Variants in MPHOSPH9 observed in about 807,000 individuals in gnomAD.
The protein encoded by MPHOSPH9 is M-phase phosphoprotein 9.
In MPHOSPH9, 88 loss-of-function variants were observed where a neutral mutation model predicts 145.5. That is an observed-to-expected ratio of 0.60 (90% CI 0.51 to 0.72). MPHOSPH9 has a LOEUF of 0.72. Among genes scored for constraint, MPHOSPH9 ranks in the 30% least tolerant of loss-of-function variants. The pLI is 0.00. For synonymous variants in MPHOSPH9, 435 were observed against 486.2 expected (o/e 0.89, Z 1.39); for missense variants, 1,238 against 1,386.6 (o/e 0.89, Z 1.70).
chr12:123,237,561 C>T (rs955727485), upstream of MPHOSPH9, among the ~76,000 whole-genome samples: 10 of 152,216 alleles, frequency 6.6e-5, no homozygotes, highest in African/African-American at 2.4e-4. Context: ...TTAGACCAGA[C>T]CTAGAGTAGT....
intron 6 of MPHOSPH9, among the ~76,000 whole-genome samples, chr12:123,217,791 C>G (rs952644095): frequency 6.6e-6 from 1 of 152,074 alleles, no homozygotes; most frequent in African/African-American, 2.4e-5. Context: ...TGCCTATAAT[C>G]CCTGCACTTT....
chr12:123,162,668 A>G (rs951086872), intron 20 of MPHOSPH9: 1 of 209,790 alleles, frequency 4.8e-6, no homozygotes, highest in Non-Finnish European at 9.3e-6. Flanking sequence ...ATTTGGTGCC[A>G]GGGCCATACC....
intron 13 of MPHOSPH9, among the ~76,000 whole-genome samples, chr12:123,192,067 T>C (rs2045701572): frequency 6.6e-6 from 1 of 151,974 alleles, no homozygotes; most frequent in African/African-American, 2.4e-5. Context: ...GCAGAAGGAA[T>C]ACAGAATTAG....
rs2046290252 is a variant in MPHOSPH9, at chr12:123,203,071, T to A, written c.1334A>T (p.Asp445Val). 1.2e-6 allele frequency: 2 copies of A among 1,612,256 alleles called. No individual in the cohort carries two copies. Among genetic ancestry groups the A allele is most frequent in the Non-Finnish European group, 1.7e-6 (2 of 1,179,336 alleles). ...PNHPPEVLTLDPTLHMKPKQQ... is the reference protein window; with the variant it reads ...PNHPPEVLTLVPTLHMKPKQQ... ...CTTTGGCTTCATGTGTAACGTAGGA[T>A]CTAGAGTCAGGACCTGGAAACCAGA... The change falls in exon 10 of 24, where the codon GAT becomes GTT. Residue 445 changes from aspartate (D) to valine (V), a missense_variant. Coordinates refer to ENST00000606320, the MANE Select transcript of MPHOSPH9 (RefSeq NM_022782.4).
rs569907030 is a variant in MPHOSPH9, at chr12:123,162,583, C to A, written c.3030-365G>T. 1.8e-4 allele frequency: 32 copies of A among 182,584 alleles called. No individual in the cohort carries two copies. The East Asian group carries it at 4.2e-3, about 24-fold the overall frequency. 11.3% of individuals were successfully genotyped at this position (182,584 alleles called of 1,614,324 possible). A position where few individuals can be genotyped will look rare whatever the true frequency, so the allele number is the denominator to read the frequency against. ...TGGGTCTGGAACCAAGAAGCAACATCCCTCCCCGCTAATAGCACACACAGC... is the reference window on the plus strand; with the variant it reads ...TGGGTCTGGAACCAAGAAGCAACATACCTCCCCGCTAATAGCACACACAGC... On this transcript the variant is annotated intron_variant, in intron 20 of 23. Transcript: ENST00000606320.
chr12:123,239,609 AG>A (rs1187826658), intron 1 of MPHOSPH9, among the ~76,000 whole-genome samples: 5 of 151,936 alleles, frequency 3.3e-5, no homozygotes, highest in Non-Finnish European at 5.9e-5. Context: ...TCACCGTGTT[AG>A]CCAGGATGGT....
chr12:123,204,496 A>G (rs893254875), intron 8 of MPHOSPH9, among the ~76,000 whole-genome samples: 7 of 152,154 alleles, frequency 4.6e-5, no homozygotes, highest in African/African-American at 1.7e-4. Context: ...CCCAATGAAA[A>G]TAAGTCCCCC....
At chr12:123,200,052 G>A (rs1441098699) in intron 11 of MPHOSPH9, among the ~76,000 whole-genome samples, 1 of 152,038 alleles carries the variant, frequency 6.6e-6, no homozygotes, top group Non-Finnish European at 1.5e-5. Context: ...ACTTTTTTCA[G>A]TACTATGGAT....
At chr12:123,165,171 A>G in intron 18 of MPHOSPH9, 131 bp downstream of exon 18, 1 of 751,208 alleles carries the variant, frequency 1.3e-6, no homozygotes, top group Non-Finnish European at 2.1e-6. Context: ...GGGCTGAAGT[A>G]GCAGTAAAAT....
chr12:123,216,970 CAG>C, intron 6 of MPHOSPH9, among the ~76,000 whole-genome samples: 1 of 150,496 alleles, frequency 6.6e-6, no homozygotes, highest in Non-Finnish European at 1.5e-5. Context: ...GCCTGGGCAA[CAG>C]AGCAAGACTC....
At chr12:123,165,272 TC>T (rs756172851) in intron 18 of MPHOSPH9, 29 bp downstream of exon 18, 1 of 1,550,576 alleles carries the variant, frequency 6.4e-7, no homozygotes, top group Non-Finnish European at 8.8e-7. Flanking sequence ...GATATCTATA[TC>T]CATCTATCTC....
intron 11 of MPHOSPH9, among the ~76,000 whole-genome samples, chr12:123,201,659 G>C (rs1273588970): frequency 6.6e-6 from 1 of 152,102 alleles, no homozygotes; most frequent in South Asian, 2.1e-4. Flanking sequence ...GGTTACAGAC[G>C]TGAGCCACCA....
chr12:123,164,378 A>G (rs1188569920), intron 18 of MPHOSPH9, among the ~76,000 whole-genome samples: 2 of 152,158 alleles, frequency 1.3e-5, no homozygotes, highest in Admixed American at 1.3e-4. Flanking sequence ...CAAGAGGGTT[A>G]TTTTTAGAAA....
intron 1 of MPHOSPH9, among the ~76,000 whole-genome samples, chr12:123,243,235 AT>A (rs35389455): frequency 1.5e-3 from 229 of 147,802 alleles, no homozygotes; most frequent in African/African-American, 3.5e-3. Flanking sequence ...TTTTAAAACA[AT>A]TTTTTTTTTT....
chr12:123,186,250 A>G (rs1369608579), intron 13 of MPHOSPH9, among the ~76,000 whole-genome samples: 2 of 131,476 alleles, frequency 1.5e-5, no homozygotes, highest in South Asian at 2.4e-4. Context: ...AAAAAAAAAA[A>G]AGAGATTACA....
At chr12:123,192,876 G>A (rs541393286) in intron 13 of MPHOSPH9, among the ~76,000 whole-genome samples, 2 of 151,128 alleles carry the variant, frequency 1.3e-5, no homozygotes, top group South Asian at 2.1e-4. Context: ...TCAAGAAATC[G>A]AGACCAGCCT....
intron 3 of MPHOSPH9, among the ~76,000 whole-genome samples, chr12:123,223,333 C>G (rs952656347): frequency 3.9e-5 from 6 of 152,168 alleles, no homozygotes; most frequent in Admixed American, 2.0e-4. Flanking sequence ...AGCCTCAAGG[C>G]TGGGAAACTT....
rs113815499 is a variant in MPHOSPH9 at position 123,224,634 on chromosome 12, C to G, written c.259-1507G>C. Among the ~76,000 whole-genome samples, 1,321 of 152,254 alleles carry G rather than the reference C, an allele frequency of 8.7e-3. 10 individuals are homozygous for G. The highest frequency in any genetic ancestry group is 0.014 in the Non-Finnish European group (953 of 68,018). Reference sequence around the variant, plus strand: ...GAAATCTGTGAGGTCACGGTCATGACAAAGCTGGGGGGACATCACTGGCAT... The same window carrying G: ...GAAATCTGTGAGGTCACGGTCATGAGAAAGCTGGGGGGACATCACTGGCAT... On this transcript the variant is annotated intron_variant, in intron 3 of 23. Transcript: ENST00000606320.
intron 3 of MPHOSPH9, among the ~76,000 whole-genome samples, chr12:123,224,290 C>T (rs576307770): frequency 6.6e-6 from 1 of 151,984 alleles, no homozygotes; most frequent in Non-Finnish European, 1.5e-5. Context: ...CCCGCCACCA[C>T]ACCCGGCTAA....
Sources: allele counts gnomAD v4.1 joint callset (sites outside exome capture counted in the v4.1 genomes callset), GRCh38; gene constraint gnomAD v4.1.1; transcripts MANE v1.5; gene names NCBI Gene and HGNC (gene_info 2026-07-23, HGNC 2026-07-21).